The following SHROOM2 variants were observed in gnomAD, a reference collection of about 807,000 sequenced individuals.
The protein encoded by SHROOM2 is protein Shroom2.
In SHROOM2, 33 loss-of-function variants were observed where a neutral mutation model predicts 75.9. The observed-to-expected ratio is 0.43, with a 90% CI of 0.33 to 0.58. The LOEUF (loss-of-function observed/expected upper bound fraction) is 0.58, where lower values mean the gene tolerates loss of function less well. Among genes scored for constraint, SHROOM2 ranks in the 20% least tolerant of loss-of-function variants. SHROOM2 has a pLI of 0.04. For synonymous variants in SHROOM2, 655 were observed against 663.6 expected, an observed-to-expected ratio of 0.99 and a Z score of 0.20; for missense variants, 1,434 against 1,461.2, an observed-to-expected ratio of 0.98 and a Z score of 0.30.
chrX:9,827,223 C>CTTTTTTTTTTTTTTTT (rs397953893), intron 1 of SHROOM2, among the ~76,000 whole-genome samples: 8 of 60,124 alleles, frequency 1.3e-4, no homozygotes, highest in African/African-American at 5.3e-4. Context: ...TTTTCTTTTT[C>CTTTTTTTTTTTTTTTT]TTTTTTTTTT....
chrX:9,839,194 C>T (rs2083966356), intron 1 of SHROOM2, among the ~76,000 whole-genome samples: 1 of 111,515 alleles, frequency 9.0e-6, no homozygotes, highest in African/African-American at 3.3e-5. Flanking sequence ...GTGCTTGACC[C>T]CAACAGCTAT....
At chrX:9,861,515 G>C in intron 1 of SHROOM2, among the ~76,000 whole-genome samples, 1 of 111,957 alleles carries the variant, frequency 8.9e-6, no homozygotes, top group Non-Finnish European at 1.9e-5. Context: ...ATTTCCTCGT[G>C]TTATGATGAA....
intron 1 of SHROOM2, among the ~76,000 whole-genome samples, chrX:9,860,307 T>TG (rs2084096404): frequency 8.9e-6 from 1 of 112,265 alleles, no homozygotes; most frequent in Admixed American, 9.4e-5. Context: ...ATTGGACATT[T>TG]GGGTAAAATA....
intron 1 of SHROOM2, among the ~76,000 whole-genome samples, chrX:9,807,572 C>A (rs1290997079): frequency 8.9e-6 from 1 of 112,120 alleles, no homozygotes; most frequent in East Asian, 2.8e-4. Flanking sequence ...CTGTGCTGTG[C>A]CACGGAAATA....
chrX:9,875,518 C>T (rs1335560177), intron 2 of SHROOM2, among the ~76,000 whole-genome samples: 1 of 111,717 alleles, frequency 9.0e-6, no homozygotes. Flanking sequence ...CCCAGAGACC[C>T]CAAAAACACT....
intron 1 of SHROOM2, among the ~76,000 whole-genome samples, chrX:9,801,949 C>G (rs60728303): frequency 0.16 from 17,213 of 110,783 alleles, 3,121 homozygotes; most frequent in African/African-American, 0.53. Flanking sequence ...GAGTAAGAAA[C>G]ACCCTGTCTC....
At chrX:9,830,930 A>G (rs773661565) in intron 1 of SHROOM2, among the ~76,000 whole-genome samples, 2 of 112,117 alleles carry the variant, frequency 1.8e-5, no homozygotes, top group African/African-American at 6.5e-5. Flanking sequence ...AAGGCCAGAC[A>G]TTAACACCAT....
At chrX:9,798,880 C>G (rs1458770058) in intron 1 of SHROOM2, among the ~76,000 whole-genome samples, 1 of 111,664 alleles carries the variant, frequency 9.0e-6, no homozygotes, top group Non-Finnish European at 1.9e-5. Flanking sequence ...AAGAAAACAT[C>G]TGGACTTGAA....
chrX:9,915,308 C>T (rs1405250483), intron 5 of SHROOM2, among the ~76,000 whole-genome samples: 2 of 110,608 alleles, frequency 1.8e-5, no homozygotes, highest in African/African-American at 6.6e-5. Context: ...CACTGTTTTG[C>T]TCATTTGCCG....
chrX:9,842,772 G>A (rs901982112), intron 1 of SHROOM2, among the ~76,000 whole-genome samples: 1 of 111,901 alleles, frequency 8.9e-6, no homozygotes, highest in African/African-American at 3.2e-5. Context: ...GGGAGGGCAG[G>A]AGTCCTGGAT....
chrX:9,833,906 G>T (rs1273076471), intron 1 of SHROOM2, among the ~76,000 whole-genome samples: 1 of 111,081 alleles, frequency 9.0e-6, no homozygotes, highest in South Asian at 3.8e-4. Context: ...GTGGCCACAC[G>T]TGTCCCTGGG....
At chrX:9,851,019 T>A (rs1346004783) in intron 1 of SHROOM2, among the ~76,000 whole-genome samples, 1 of 110,368 alleles carries the variant, frequency 9.1e-6, no homozygotes, top group East Asian at 2.8e-4. Flanking sequence ...TTCCTCTCTC[T>A]TTTTTTAGAG....
At chrX:9,939,437 C>G in intron 8 of SHROOM2, 71 bp downstream of exon 8, 1 of 966,007 alleles carries the variant, frequency 1.0e-6, no homozygotes, top group Non-Finnish European at 1.4e-6. Flanking sequence ...TCACACCATC[C>G]TGCCCCAGCG....
In SHROOM2 at chrX:9,792,159, T is replaced by TAAAATAGAATAGA. The variant is rs1240744489; in HGVS notation, c.165+5451_165+5452insAATAGAATAGAAA. ...TAGAATAGAATAGAATAGAATAGAA[T>TAAAATAGAATAGA]AATCACCAGTATCTGATACAGGGAG... is the stretch of plus-strand genomic sequence containing the variant. On this transcript the variant is annotated intron_variant, in intron 1 of 9. Coordinates refer to ENST00000380913, the MANE Select transcript of SHROOM2 (RefSeq NM_001649.4). 2.7e-4 allele frequency among the ~76,000 whole-genome samples: 2 copies of TAAAATAGAATAGA among 7,413 alleles called. 1 individual carries two copies. The allele number at this position is 7,413 out of a possible 115,157, so 6.4% of individuals were successfully genotyped here. A position where few individuals can be genotyped will look rare whatever the true frequency, so the allele number is the denominator to read the frequency against.
intron 1 of SHROOM2, among the ~76,000 whole-genome samples, chrX:9,831,534 TG>T (rs2083916091): frequency 8.9e-6 from 1 of 112,129 alleles, no homozygotes; most frequent in African/African-American, 3.2e-5. Context: ...GGCGCATGCC[TG>T]TAATCCCAGC....
chrX:9,870,736 A>G (rs920227910), intron 1 of SHROOM2, among the ~76,000 whole-genome samples: 6 of 112,102 alleles, frequency 5.4e-5, no homozygotes, highest in Non-Finnish European at 1.1e-4. Context: ...TGGAAGAAAG[A>G]AATTATTCTT....
At chrX:9,856,633 G>A (rs1310806576) in intron 1 of SHROOM2, among the ~76,000 whole-genome samples, 1 of 111,555 alleles carries the variant, frequency 9.0e-6, no homozygotes, top group Non-Finnish European at 1.9e-5. Context: ...TGGGGATCCT[G>A]GACTGGAGCG....
rs768448764 is a variant in SHROOM2 at position 9,932,859 on chromosome X, G to C, written c.3576G>C (p.Glu1192Asp). 3.4e-6 allele frequency: 4 copies of C among 1,191,196 alleles called. No individual in the cohort carries two copies. The East Asian group carries it at 1.2e-4, about 35-fold the overall frequency. ...AACCTCCCCTGCTCATCCAGGATGA[G>C]GATTCAACCAGGTACTGTCCTGCGA... ...TDKPPLLIQD[E>D]DSTRIERVMD... is the part of the protein sequence containing the mutation. Residue 1192 changes from glutamate (E) to aspartate (D), a missense_variant, in exon 6 of 10, where the codon GAG becomes GAC. Physicochemically the swap from Glu to Asp is conservative, Grantham distance 45. This residue lies in a region of SHROOM2 where 1,340 missense variants were observed against 1,338.3 expected (regional missense o/e 1.00). Transcript: ENST00000380913.
intron 1 of SHROOM2, among the ~76,000 whole-genome samples, chrX:9,807,535 C>T (rs2083761114): frequency 1.8e-5 from 2 of 111,706 alleles, no homozygotes; most frequent in African/African-American, 6.5e-5. Context: ...TTCCAGAGGC[C>T]TCATAGCAAC....
Sources: gnomAD v4.1 joint callset for allele counts (sites outside exome capture counted in the v4.1 genomes callset) on GRCh38, gnomAD v4.1.1 for gene constraint, gnomAD v4.1.1 regional missense constraint, MANE v1.5 for transcripts, NCBI Gene and HGNC (gene_info 2026-07-23, HGNC 2026-07-21) for gene names.